ACTR3C: variants seen among roughly 807,000 people sequenced by gnomAD.
ACTR3C encodes the protein actin related protein 3C, also known as actin-related protein 3C.
A neutral mutation model predicts 26.3 loss-of-function variants in ACTR3C; 18 were observed. The ratio of observed to expected loss-of-function variants is 0.68; its 90% CI spans 0.47 to 1.01. The LOEUF is 1.01. Among genes scored for constraint, ACTR3C ranks in the 50% least tolerant of loss-of-function variants. The pLI is 0.00. For synonymous variants in ACTR3C, 55 were observed against 94.5 expected (o/e 0.58, Z 2.42); for missense variants, 184 against 250.7 (o/e 0.73, Z 1.80).
the ACTR3C span, among the ~76,000 whole-genome samples, chr7:150,137,550 AC>A: frequency 6.6e-6 from 1 of 151,382 alleles, no homozygotes; most frequent in African/African-American, 2.4e-5. Flanking sequence ...CTTCCTTTTT[AC>A]TCTCATTTTC....
At chr7:150,203,334 C>A in the ACTR3C span, among the ~76,000 whole-genome samples, 8 of 152,170 alleles carry the variant, frequency 5.3e-5, no homozygotes, top group Non-Finnish European at 8.8e-5. Flanking sequence ...AATTGCAGTA[C>A]GGTGTGTAAA....
At chr7:149,884,269 A>T in the ACTR3C span, among the ~76,000 whole-genome samples, 2 of 152,206 alleles carry the variant, frequency 1.3e-5, no homozygotes, top group Non-Finnish European at 1.5e-5. Flanking sequence ...GCACTGGAAG[A>T]TGAGGGCAGA....
chr7:150,293,987 G>T lies in ACTR3C; in HGVS notation c.46-568C>A, dbSNP rs139892231. Among the ~76,000 whole-genome samples, 258 of 152,190 alleles carry T rather than the reference G, an allele frequency of 1.7e-3. 1 individual carries two copies. Among genetic ancestry groups the T allele is most frequent in the African/African-American group, 5.8e-3 (241 of 41,530 alleles). On this transcript the variant is annotated intron_variant, in intron 2 of 7. Transcript: ENST00000683684. ...AAAAACTAAGGTTTTACAAAGAAAA[G>T]CCAGTGAAAAAGATATTTCATTATA...
the ACTR3C span, among the ~76,000 whole-genome samples, chr7:149,930,361 C>T: frequency 6.6e-6 from 1 of 152,204 alleles, no homozygotes; most frequent in Non-Finnish European, 1.5e-5. Context: ...TACTCTCAAA[C>T]AGTGCAGGAA....
intron 1 of ACTR3C, among the ~76,000 whole-genome samples, chr7:150,309,485 C>T (rs895641592): frequency 2.6e-5 from 4 of 152,324 alleles, no homozygotes; most frequent in Non-Finnish European, 4.4e-5. Context: ...GGCAGCCAAG[C>T]GGCAACGCAT....
chr7:150,035,151 G>A, the ACTR3C span, among the ~76,000 whole-genome samples: 2 of 140,530 alleles, frequency 1.4e-5, no homozygotes, highest in Non-Finnish European at 3.2e-5. Context: ...TCAACGATGG[G>A]GGTCCTAAGC....
the ACTR3C span, among the ~76,000 whole-genome samples, chr7:149,902,349 C>T: frequency 8.0e-5 from 12 of 149,498 alleles, no homozygotes; most frequent in African/African-American, 2.9e-4. Context: ...ATCAAAATTA[C>T]AGTCCAATCT....
At chr7:150,248,479 G>A (rs1222048424) in intron 7 of ACTR3C, 1 of 152,182 alleles carries the variant, frequency 6.6e-6, no homozygotes, top group African/African-American at 2.4e-5. Context: ...TGGCCAACAT[G>A]GTGAAACCCC....
chr7:150,082,579 C>T, the ACTR3C span, among the ~76,000 whole-genome samples: 1 of 152,266 alleles, frequency 6.6e-6, no homozygotes, highest in Admixed American at 6.5e-5. Flanking sequence ...CCTGCTGTGG[C>T]TACCACATAT....
the ACTR3C span, among the ~76,000 whole-genome samples, chr7:150,156,364 T>C: frequency 6.6e-6 from 1 of 152,168 alleles, no homozygotes; most frequent in African/African-American, 2.4e-5. Flanking sequence ...CACATTTGTA[T>C]GGTGTGATTT....
the ACTR3C span, among the ~76,000 whole-genome samples, chr7:150,117,647 T>C: frequency 1.3e-5 from 2 of 152,230 alleles, no homozygotes; most frequent in Non-Finnish European, 2.9e-5. Flanking sequence ...GGGGTGGCTG[T>C]GGGCGCAGCT....
chr7:150,020,010 G>A, the ACTR3C span, among the ~76,000 whole-genome samples: 1 of 152,122 alleles, frequency 6.6e-6, no homozygotes, highest in Non-Finnish European at 1.5e-5. Flanking sequence ...TGAATATGGT[G>A]TCTATGGAGT....
chr7:149,926,348 T>C, the ACTR3C span, among the ~76,000 whole-genome samples: 2,093 of 152,316 alleles, frequency 0.014, 51 homozygotes, highest in African/African-American at 0.046. Flanking sequence ...CTTTAATTGG[T>C]ATCTAGGATC....
the ACTR3C span, among the ~76,000 whole-genome samples, chr7:150,124,797 A>G: frequency 2.6e-5 from 4 of 152,204 alleles, no homozygotes; most frequent in Non-Finnish European, 5.9e-5. Context: ...AACAAGAATG[A>G]TAGTAAATGA....
chr7:150,194,615 C>G, the ACTR3C span, among the ~76,000 whole-genome samples: 1 of 152,086 alleles, frequency 6.6e-6, no homozygotes, highest in Non-Finnish European at 1.5e-5. Flanking sequence ...TAGCTCTTTT[C>G]AAGTTGTTCC....
intron 1 of ACTR3C, among the ~76,000 whole-genome samples, chr7:150,297,007 G>A (rs1406115706): frequency 1.6e-4 from 24 of 152,314 alleles, no homozygotes; most frequent in African/African-American, 4.1e-4. Flanking sequence ...AGAAAACAAC[G>A]AACTGTCTGC....
the ACTR3C span, among the ~76,000 whole-genome samples, chr7:150,076,225 A>T: frequency 1.3e-5 from 2 of 152,168 alleles, no homozygotes; most frequent in African/African-American, 4.8e-5. Context: ...GGAAAAAAAA[A>T]AACTGATCAT....
At chr7:150,279,891 GAAGAC>G (rs1016110812) in intron 6 of ACTR3C, among the ~76,000 whole-genome samples, 13 of 152,206 alleles carry the variant, frequency 8.5e-5, no homozygotes, top group African/African-American at 3.1e-4. Context: ...ATAAGCTCTT[GAAGAC>G]AAGAACCGAA....
chr7:150,250,141 G>A (rs965633467), intron 6 of ACTR3C, among the ~76,000 whole-genome samples: 12 of 150,438 alleles, frequency 8.0e-5, no homozygotes, highest in Non-Finnish European at 1.8e-4. Flanking sequence ...GTGATTGGAT[G>A]TTTTTCTAAA....
Sources: gnomAD v4.1 joint callset for allele counts (sites outside exome capture counted in the v4.1 genomes callset) on GRCh38, gnomAD v4.1.1 for gene constraint, MANE v1.5 for transcripts, NCBI Gene and HGNC (gene_info 2026-07-23, HGNC 2026-07-21) for gene names.